PACRG: variants seen among roughly 807,000 people sequenced by gnomAD.
The protein encoded by PACRG is parkin coregulated gene protein.
A neutral mutation model predicts 29.7 loss-of-function variants in PACRG; 29 were observed. That is an observed-to-expected ratio of 0.98 (90% CI 0.73 to 1.33). The LOEUF is 1.33. PACRG is among the 40% of genes most tolerant of loss of function. PACRG has a pLI of 0.00. For missense variants in PACRG, 279 were observed against 316.2 expected (o/e 0.88, Z 0.89); for synonymous variants, 116 against 118.7 (o/e 0.98, Z 0.15).
chr6:162,975,486 C>T (rs1801873017), intron 2 of PACRG, among the ~76,000 whole-genome samples: 1 of 152,146 alleles, frequency 6.6e-6, no homozygotes, highest in Non-Finnish European at 1.5e-5. Flanking sequence ...TGTTTTGTTT[C>T]ACACTTTAAT....
At chr6:163,304,015 C>CAGAAAAA (rs1785101301) in intron 4 of PACRG, among the ~76,000 whole-genome samples, 1 of 76,250 alleles carries the variant, frequency 1.3e-5, no homozygotes, top group Admixed American at 1.8e-4. Context: ...GACTCCATTT[C>CAGAAAAA]AAAAAAAAAA....
At chr6:163,116,325 T>C (rs1313410598) in intron 4 of PACRG, among the ~76,000 whole-genome samples, 1 of 152,098 alleles carries the variant, frequency 6.6e-6, no homozygotes, top group Non-Finnish European at 1.5e-5. Context: ...TCATACACTA[T>C]CGTGAGGACA....
chr6:162,959,208 C>T lies in PACRG; in HGVS notation c.292-102942C>T, dbSNP rs917154409. On this transcript the variant is annotated intron_variant, in intron 2 of 4. Transcript: ENST00000366888. ...CTCTGGGATTACAGGTGTTAGCCACCGTGCCTGGCCAACACATGGATATTA... is the reference window on the plus strand; with the variant it reads ...CTCTGGGATTACAGGTGTTAGCCACTGTGCCTGGCCAACACATGGATATTA... Among the ~76,000 whole-genome samples, 37 of 151,880 alleles carry T rather than the reference C, an allele frequency of 2.4e-4. 1 individual carries two copies. Among genetic ancestry groups the T allele is most frequent in the Middle Eastern group, 3.4e-3 (1 of 292 alleles).
intron 2 of PACRG, among the ~76,000 whole-genome samples, chr6:162,887,981 T>G (rs1584664432): frequency 6.6e-6 from 1 of 152,260 alleles, no homozygotes; most frequent in South Asian, 2.1e-4. Flanking sequence ...CAAGATCAAG[T>G]TCCCAGCAGG....
chr6:163,037,766 T>C (rs942370565), intron 2 of PACRG, among the ~76,000 whole-genome samples: 8 of 152,156 alleles, frequency 5.3e-5, no homozygotes, highest in Non-Finnish European at 1.0e-4. Flanking sequence ...GTTTCCACCC[T>C]GGAGGGGAGG....
At chr6:163,247,852 A>G (rs1335244079) in intron 4 of PACRG, among the ~76,000 whole-genome samples, 1 of 152,224 alleles carries the variant, frequency 6.6e-6, no homozygotes, top group Non-Finnish European at 1.5e-5. Flanking sequence ...CAATCAGATT[A>G]AGAAAAATTC....
chr6:163,227,540 G>T (rs772997021), intron 4 of PACRG, among the ~76,000 whole-genome samples: 9 of 152,230 alleles, frequency 5.9e-5, no homozygotes, highest in Non-Finnish European at 1.0e-4. Context: ...CGAGAGGACT[G>T]TAAGCCATTC....
intron 4 of PACRG, among the ~76,000 whole-genome samples, chr6:163,302,487 G>A (rs80275725): frequency 0.01 from 1,587 of 152,316 alleles, 23 homozygotes; most frequent in African/African-American, 0.036. Context: ...TAAGACAGTT[G>A]TAAAAGGCGT....
intron 2 of PACRG, among the ~76,000 whole-genome samples, chr6:162,989,841 A>C (rs1262655907): frequency 2.5e-4 from 37 of 145,988 alleles, no homozygotes; most frequent in Admixed American, 5.5e-4. Context: ...GCACCCACTA[A>C]CTCGTCATCT....
intron 2 of PACRG, among the ~76,000 whole-genome samples, chr6:162,947,589 TATAATC>T (rs1273225645): frequency 2.4e-5 from 2 of 82,206 alleles, no homozygotes; most frequent in African/African-American, 9.8e-5. Context: ...TAATCATATA[TATAATC>T]ATATATATAT....
intron 2 of PACRG, among the ~76,000 whole-genome samples, chr6:163,028,639 T>C (rs1807368072): frequency 6.6e-6 from 1 of 152,236 alleles, no homozygotes; most frequent in Non-Finnish European, 1.5e-5. Flanking sequence ...CGTTTTTTCA[T>C]ATATAAAGTT....
intron 4 of PACRG, among the ~76,000 whole-genome samples, chr6:163,244,559 C>A (rs541848677): frequency 1.3e-5 from 2 of 152,306 alleles, no homozygotes; most frequent in African/African-American, 4.8e-5. Flanking sequence ...TTTCCTCCTA[C>A]AAGGCCCCAG....
At chr6:163,063,675 G>A (rs777837544) in intron 3 of PACRG, among the ~76,000 whole-genome samples, 3 of 151,996 alleles carry the variant, frequency 2.0e-5, no homozygotes, top group East Asian at 1.9e-4. Context: ...TGAGGTCTCC[G>A]TAGAGATCTG....
intron 1 of PACRG, among the ~76,000 whole-genome samples, chr6:162,800,683 C>T (rs1415026686): frequency 6.6e-6 from 1 of 152,138 alleles, no homozygotes; most frequent in Non-Finnish European, 1.5e-5. Context: ...TTTCAGTTCA[C>T]CAAGAGGAAA....
intron 3 of PACRG, among the ~76,000 whole-genome samples, chr6:163,079,426 G>C (rs952065533): frequency 6.7e-6 from 1 of 149,510 alleles, no homozygotes; most frequent in African/African-American, 2.5e-5. Context: ...AAAAAAGAAA[G>C]AAAGAAAAAG....
intron 2 of PACRG, among the ~76,000 whole-genome samples, chr6:162,952,277 G>C (rs1213163523): frequency 1.3e-5 from 2 of 152,166 alleles, no homozygotes; most frequent in African/African-American, 4.8e-5. Flanking sequence ...TCATGAAATA[G>C]TCTGAACCTA....
chr6:162,727,888 C>T (rs1394904979), upstream of PACRG: 2 of 596,926 alleles, frequency 3.4e-6, no homozygotes, highest in Non-Finnish European at 5.9e-6. Flanking sequence ...TGCCCCCAGC[C>T]CCCCACCGCC....
chr6:162,954,290 T>G (rs1476059330), intron 2 of PACRG, among the ~76,000 whole-genome samples: 1 of 152,200 alleles, frequency 6.6e-6, no homozygotes, highest in Non-Finnish European at 1.5e-5. Flanking sequence ...CTTTGGTTAT[T>G]TAGCTGTGAA....
At chr6:163,233,845 G>C (rs757554553) in intron 4 of PACRG, among the ~76,000 whole-genome samples, 1 of 152,216 alleles carries the variant, frequency 6.6e-6, no homozygotes, top group Non-Finnish European at 1.5e-5. Context: ...TGAGGAGCAC[G>C]TTTGTAGGGA....
Sources: gnomAD v4.1 joint callset for allele counts (sites outside exome capture counted in the v4.1 genomes callset) on GRCh38, gnomAD v4.1.1 for gene constraint, MANE v1.5 for transcripts, NCBI Gene and HGNC (gene_info 2026-07-23, HGNC 2026-07-21) for gene names.